The following ACCSL variants were observed in gnomAD, a reference collection of about 807,000 sequenced individuals.
The protein encoded by ACCSL is probable inactive 1-aminocyclopropane-1-carboxylate synthase-like protein 2.
Under a neutral mutation model 61.7 loss-of-function variants are expected in ACCSL, and 55 were observed. The observed-to-expected ratio is 0.89, with a 90% CI of 0.72 to 1.12. ACCSL has a LOEUF of 1.12. Ranked by LOEUF, ACCSL falls within the 50% of genes most tolerant of loss-of-function variation. The probability of loss-of-function intolerance (pLI) is 0.00; values close to 1 mark genes in which losing one functional copy is unlikely to be tolerated. For synonymous variants in ACCSL, 258 were observed against 264.3 expected (o/e 0.98, Z 0.23); for missense variants, 632 against 698.0 (o/e 0.91, Z 1.07).
chr11:44,010,601 A>G, the ACCSL span, among the ~76,000 whole-genome samples: 6 of 152,168 alleles, frequency 3.9e-5, no homozygotes, highest in Non-Finnish European at 8.8e-5. Flanking sequence ...TGGTTTTGCT[A>G]TGTTCACATT....
chr11:43,944,114 C>A, the ACCSL span: 2 of 334,716 alleles, frequency 6.0e-6, no homozygotes, highest in Admixed American at 4.4e-5. Flanking sequence ...TGGTCTATTC[C>A]CCATCGCCGG....
chr11:44,038,062 C>T, the ACCSL span, among the ~76,000 whole-genome samples: 4 of 151,988 alleles, frequency 2.6e-5, no homozygotes, highest in Non-Finnish European at 5.9e-5. Flanking sequence ...TGAAAATAAA[C>T]GATGCATGTA....
the ACCSL span, among the ~76,000 whole-genome samples, chr11:43,965,268 C>G: frequency 1.3e-5 from 2 of 151,980 alleles, no homozygotes; most frequent in Non-Finnish European, 2.9e-5. Context: ...GGTATAATAT[C>G]AACATACAAA....
chr11:44,004,713 C>T, the ACCSL span, among the ~76,000 whole-genome samples: 6 of 152,174 alleles, frequency 3.9e-5, no homozygotes, highest in Admixed American at 2.0e-4. Flanking sequence ...CTCAGAGATG[C>T]ACTGAACTTT....
At chr11:43,964,679 G>C in the ACCSL span, among the ~76,000 whole-genome samples, 10 of 152,160 alleles carry the variant, frequency 6.6e-5, no homozygotes, top group African/African-American at 2.4e-4. Context: ...TATAGATCTA[G>C]ATACAAAAAT....
chr11:44,028,246 G>C, the ACCSL span, among the ~76,000 whole-genome samples: 109 of 152,072 alleles, frequency 7.2e-4, no homozygotes, highest in African/African-American at 2.6e-3. Flanking sequence ...CAGGGCAAAA[G>C]CTGAGAGTAG....
the ACCSL span, among the ~76,000 whole-genome samples, chr11:43,969,932 C>A: frequency 2.0e-5 from 3 of 151,866 alleles, no homozygotes; most frequent in Admixed American, 1.3e-4. Context: ...CCTACATACA[C>A]CTTGTCCCTG....
At chr11:43,999,395 A>C in the ACCSL span, among the ~76,000 whole-genome samples, 7 of 152,186 alleles carry the variant, frequency 4.6e-5, no homozygotes, top group African/African-American at 1.7e-4. Flanking sequence ...TGCAGCCAAC[A>C]TGTCAGCTGG....
chr11:44,033,722 A>G, the ACCSL span, among the ~76,000 whole-genome samples: 1 of 152,190 alleles, frequency 6.6e-6, no homozygotes, highest in Non-Finnish European at 1.5e-5. Flanking sequence ...GGTCACTGGA[A>G]CAAAATCCTC....
the ACCSL span, among the ~76,000 whole-genome samples, chr11:43,967,698 C>A: frequency 6.6e-6 from 1 of 152,020 alleles, no homozygotes; most frequent in South Asian, 2.1e-4. Context: ...TTTTACTGAC[C>A]TTTACCACAC....
At chr11:43,935,129 A>C in the ACCSL span, among the ~76,000 whole-genome samples, 65,328 of 152,006 alleles carry the variant, frequency 0.43, 14,177 homozygotes, top group South Asian at 0.54. Flanking sequence ...AGAGGATTCT[A>C]GGATGTTAGA....
the ACCSL span, chr11:43,943,751 C>T: frequency 7.7e-7 from 1 of 1,304,374 alleles, no homozygotes. The surrounding 1 kb of genome is among the most constrained non-coding windows in gnomAD (Gnocchi z 4.8). Flanking sequence ...GCGGCTGCTA[C>T]TGCGTCTGGA....
chr11:43,934,408 T>A, the ACCSL span, among the ~76,000 whole-genome samples: 1 of 152,272 alleles, frequency 6.6e-6, no homozygotes, highest in East Asian at 1.9e-4. Flanking sequence ...CTGCTAGAGA[T>A]GTTGTGTGTG....
upstream of ACCSL, among the ~76,000 whole-genome samples, chr11:44,046,479 T>C (rs1952597939): frequency 6.6e-6 from 1 of 152,224 alleles, no homozygotes; most frequent in South Asian, 2.1e-4. Context: ...AAGAATGTAA[T>C]ACTGAAGGCT....
chr11:44,056,849 A>T (rs1022274783), intron 11 of ACCSL, among the ~76,000 whole-genome samples: 2 of 151,936 alleles, frequency 1.3e-5, no homozygotes, highest in African/African-American at 4.8e-5. Flanking sequence ...AAAAACAAAA[A>T]ACTACAGGAT....
the ACCSL span, among the ~76,000 whole-genome samples, chr11:44,017,199 G>A: frequency 6.6e-6 from 1 of 152,176 alleles, no homozygotes; most frequent in African/African-American, 2.4e-5. Flanking sequence ...GCTGTTCCAG[G>A]ATGGCTTCCA....
chr11:44,041,838 C>T, the ACCSL span, among the ~76,000 whole-genome samples: 1 of 152,142 alleles, frequency 6.6e-6, no homozygotes, highest in Admixed American at 6.5e-5. Flanking sequence ...GGCTTTTTAG[C>T]TGAGAGATGT....
At chr11:44,049,955 G>A (rs915531879) in intron 1 of ACCSL, 107 bp from the exon 2 acceptor site, 1 of 1,464,314 alleles carries the variant, frequency 6.8e-7, no homozygotes, top group African/African-American at 1.4e-5. Flanking sequence ...AATTTGGATT[G>A]AATTGCCTCA....
At chr11:43,992,584 A>T in the ACCSL span, among the ~76,000 whole-genome samples, 4 of 152,172 alleles carry the variant, frequency 2.6e-5, no homozygotes, top group Non-Finnish European at 5.9e-5. Flanking sequence ...GTGGACACTC[A>T]TTGGCATTTG....
Sources: gnomAD v4.1 joint callset for allele counts (sites outside exome capture counted in the v4.1 genomes callset) on GRCh38, gnomAD v4.1.1 for gene constraint, Gnocchi (gnomAD v3.1) non-coding constraint, MANE v1.5 for transcripts, NCBI Gene and HGNC (gene_info 2026-07-23, HGNC 2026-07-21) for gene names.